The following LAMA1 variants were observed in gnomAD, a reference collection of about 807,000 sequenced individuals.
The protein encoded by LAMA1 is laminin subunit alpha 1.
A neutral mutation model predicts 348.7 loss-of-function variants in LAMA1; 219 were observed. The observed-to-expected ratio is 0.63, with a 90% CI of 0.56 to 0.70. The LOEUF is 0.70. Ranked by LOEUF, LAMA1 falls within the 30% of genes least tolerant of loss-of-function variation. The probability of loss-of-function intolerance (pLI) is 0.00; values close to 1 mark genes in which losing one functional copy is unlikely to be tolerated. For missense variants in LAMA1, 3,744 were observed against 3,888.0 expected, an observed-to-expected ratio of 0.96 and a Z score of 0.99; for synonymous variants, 1,487 against 1,491.0, an observed-to-expected ratio of 1.00 and a Z score of 0.06.
chr18:6,955,491 A>C, intron 56 of LAMA1, 26 bp from the exon 57 acceptor site: 1 of 1,573,192 alleles, frequency 6.4e-7, no homozygotes, highest in Non-Finnish European at 8.7e-7. Flanking sequence ...AGGGACACTC[A>C]GCCGCCACCC....
intron 1 of LAMA1, among the ~76,000 whole-genome samples, chr18:7,096,711 G>A (rs2058262663): frequency 1.3e-5 from 2 of 152,084 alleles, no homozygotes; most frequent in Non-Finnish European, 2.9e-5. Context: ...ATAAAATATA[G>A]AGCAACTTTT....
intron 5 of LAMA1, among the ~76,000 whole-genome samples, chr18:7,047,147 C>T (rs55692943): frequency 6.6e-6 from 1 of 151,494 alleles, no homozygotes; most frequent in Non-Finnish European, 1.5e-5. Context: ...TGGGTTCAAG[C>T]TATTCTCCTG....
intron 3 of LAMA1, among the ~76,000 whole-genome samples, chr18:7,052,117 GAC>G (rs1299796664): frequency 6.6e-6 from 1 of 152,134 alleles, no homozygotes; most frequent in Non-Finnish European, 1.5e-5. Context: ...GCCACAAAAA[GAC>G]ACGAAGAAAC....
At chr18:7,049,353 G>A (rs893008335) in intron 4 of LAMA1, 96 bp from the exon 5 acceptor site, 20 of 1,120,726 alleles carry the variant, frequency 1.8e-5, no homozygotes, top group African/African-American at 6.1e-5. Context: ...AGGCTGGAGT[G>A]CAGTGGCACA....
At chr18:7,088,457 A>C (rs1377770666) in intron 1 of LAMA1, among the ~76,000 whole-genome samples, 1 of 152,142 alleles carries the variant, frequency 6.6e-6, no homozygotes, top group Non-Finnish European at 1.5e-5. Flanking sequence ...GGTAACACTG[A>C]ATTTCAACAT....
At chr18:7,004,245 G>A (rs954724355) in intron 29 of LAMA1, among the ~76,000 whole-genome samples, 1 of 152,194 alleles carries the variant, frequency 6.6e-6, no homozygotes, top group African/African-American at 2.4e-5. Flanking sequence ...AGGTTCAGTC[G>A]TATCTCCCAG....
intron 47 of LAMA1, among the ~76,000 whole-genome samples, chr18:6,972,596 G>A (rs533580842): frequency 6.6e-6 from 1 of 152,314 alleles, no homozygotes; most frequent in Non-Finnish European, 1.5e-5. Flanking sequence ...TACAAAACCA[G>A]CCTAACTCTG....
At chr18:7,108,968 G>A (rs951610725) in intron 1 of LAMA1, among the ~76,000 whole-genome samples, 21 of 152,182 alleles carry the variant, frequency 1.4e-4, no homozygotes, top group Admixed American at 1.4e-3. Flanking sequence ...GCAGTGGCAG[G>A]AAGAGTTCTG....
rs374790605 is a variant in LAMA1 at position 7,014,066 on chromosome 18, A to T, written c.3127-15T>A. The T allele has an allele frequency of 2.2e-5, 35 of 1,600,646 alleles. 1 individual carries two copies. The African/African-American group carries it at 4.3e-4, about 20-fold the overall frequency. On this transcript the variant is annotated splice_polypyrimidine_tract_variant and intron_variant, in intron 22 of 62. Transcript: ENST00000389658. Reference sequence around the variant, plus strand: ...CAATTGCAGGCCTGAGAGAAGGGAAAACCAACTCAATTAAAAAGGCAGATT... The same window carrying T: ...CAATTGCAGGCCTGAGAGAAGGGAATACCAACTCAATTAAAAAGGCAGATT...
intron 29 of LAMA1, among the ~76,000 whole-genome samples, chr18:7,003,334 T>C (rs2057816723): frequency 6.6e-6 from 1 of 151,432 alleles, no homozygotes; most frequent in South Asian, 2.1e-4. Context: ...CACTGTGAGC[T>C]CCACCTCCCG....
chr18:6,970,627 CTTT>C (rs1440103143), intron 48 of LAMA1, among the ~76,000 whole-genome samples: 1 of 144,912 alleles, frequency 6.9e-6, no homozygotes. Flanking sequence ...CTGGTCCTAA[CTTT>C]TTTTTTTTTT....
Position 7,008,617 on chromosome 18 carries a change from C to G in LAMA1, c.4002-9G>C, listed in dbSNP as rs1193279954. The G allele has an allele frequency of 1.9e-6, 3 of 1,613,616 alleles. No individual in the cohort carries two copies. The highest frequency in any genetic ancestry group is 2.5e-6 in the Non-Finnish European group (3 of 1,179,864). On this transcript the variant is annotated splice_polypyrimidine_tract_variant and intron_variant, in intron 27 of 62. Transcript: ENST00000389658. ...TTGAAATGTCTGAGATTCTGTGCAG[C>G]CATCATGTTAAGAGAGGAAACGCTA... is the stretch of plus-strand genomic sequence containing the variant.
At position 6,978,235 on chromosome 18, in the gene LAMA1, G is replaced by A. The variant is rs767405102; in HGVS notation, c.6151C>T (p.Arg2051Ter). 5 of 1,614,108 alleles carry A rather than the reference G, an allele frequency of 3.1e-6. No homozygotes were observed. Among genetic ancestry groups the A allele is most frequent in the East Asian group, 2.2e-5 (1 of 44,896 alleles). Residue 2051 changes from arginine (R) to a stop codon, truncating the protein, a stop_gained, in exon 43 of 63, where the codon CGA becomes TGA. Coordinates refer to ENST00000389658, the MANE Select transcript of LAMA1 (RefSeq NM_005559.4). LOFTEE classifies it high-confidence loss of function. ...ASLSRVNTTLRETHQLLQDST... is the reference protein window; with the variant it reads ...ASLSRVNTTL ...TCCTGCAGAAGCTGGTGTGTCTCTC[G>A]TAATGTGGTGTTGACCCTGGACAGG...
intron 32 of LAMA1, 65 bp from the exon 33 acceptor site, chr18:6,997,949 T>C (rs2057790538): frequency 2.7e-6 from 4 of 1,469,964 alleles, no homozygotes; most frequent in Non-Finnish European, 3.8e-6. Context: ...CATTTTTTCA[T>C]GGAGTTGCGC....
At chr18:7,038,678 G>T in intron 11 of LAMA1, 132 bp downstream of exon 11, 1 of 1,233,036 alleles carries the variant, frequency 8.1e-7, no homozygotes, top group South Asian at 1.2e-5. Context: ...TTTGACCCAC[G>T]TCAGTATCAT....
rs772378198 is a variant in LAMA1 at position 7,040,063 on chromosome 18, C to G, written c.1422+13G>C. On this transcript the variant is annotated intron_variant, in intron 10 of 62. Transcript: ENST00000389658. Reference sequence around the variant, plus strand: ...AAAGGAAGCTCAGGGGTGTCTCTGACCTCCCCACTTACCTTACAAACACAG... The same window carrying G: ...AAAGGAAGCTCAGGGGTGTCTCTGAGCTCCCCACTTACCTTACAAACACAG... 1.2e-6 allele frequency: 2 copies of G among 1,613,674 alleles called. No homozygotes were observed. Among genetic ancestry groups the G allele is most frequent in the South Asian group, 2.2e-5 (2 of 91,048 alleles).
intron 29 of LAMA1, among the ~76,000 whole-genome samples, chr18:7,004,666 G>A (rs2057824341): frequency 6.6e-6 from 1 of 152,058 alleles, no homozygotes; most frequent in Non-Finnish European, 1.5e-5. Context: ...TCATTTTTAT[G>A]ATAACACCAA....
At position 6,979,734 on chromosome 18, in the gene LAMA1, C is replaced by T. The variant is rs534308726; in HGVS notation, c.6007+787G>A. The stretch of plus-strand genomic sequence containing the variant: ...CTAACACGGTGAAACCCCATCTCTA[C>T]TAAAAATACAAAAAATTAGCCGGGG... On this transcript the variant is annotated intron_variant, in intron 42 of 62. Transcript: ENST00000389658. 6.6e-5 allele frequency among the ~76,000 whole-genome samples: 10 copies of T among 152,084 alleles called. No homozygotes were observed. The East Asian group carries it at 1.9e-3, about 29-fold the overall frequency.
chr18:7,108,415 C>A (rs1020706005), intron 1 of LAMA1, among the ~76,000 whole-genome samples: 1 of 151,824 alleles, frequency 6.6e-6, no homozygotes, highest in African/African-American at 2.4e-5. Flanking sequence ...AATCCCAGCA[C>A]TTTGGGAGGC....
Sources: allele counts gnomAD v4.1 joint callset (sites outside exome capture counted in the v4.1 genomes callset), GRCh38; gene constraint gnomAD v4.1.1; transcripts MANE v1.5; gene names NCBI Gene and HGNC (gene_info 2026-07-23, HGNC 2026-07-21).